Variants in BCAM observed in about 807,000 individuals in gnomAD.
BCAM encodes basal cell adhesion molecule (Lutheran blood group).
BCAM carries 61 observed loss-of-function variants against 72.4 expected under a neutral mutation model. The ratio of observed to expected loss-of-function variants is 0.84; its 90% CI spans 0.69 to 1.04. The LOEUF is 1.04. BCAM is among the 50% of genes least tolerant of loss of function. BCAM has a pLI of 0.00. For synonymous variants in BCAM, 408 were observed against 384.2 expected (o/e 1.06, Z -0.73); for missense variants, 909 against 895.0 (o/e 1.02, Z -0.20).
Position 44,818,392 on chromosome 19 carries a change from AC to A in BCAM, c.1079-128del, listed in dbSNP as rs1405422879. Reference sequence around the variant, plus strand: ...TGGAGATTTCATGGAGATGGGGTAAACCAGGAGGATTACTTGCTGTTCTCTG... The same window carrying A: ...TGGAGATTTCATGGAGATGGGGTAAACAGGAGGATTACTTGCTGTTCTCTG... On this transcript the variant is annotated intron_variant, in intron 8 of 14. Coordinates refer to ENST00000270233, the MANE Select transcript of BCAM (RefSeq NM_005581.5). This position sits in a 1 kb window ranked among gnomAD's most constrained non-coding sequence, Gnocchi z 4.6. 17 of 687,214 alleles carry A rather than the reference AC, an allele frequency of 2.5e-5. No homozygotes were observed. The highest frequency in any genetic ancestry group is 4.0e-5 in the Non-Finnish European group (16 of 398,476). 42.6% of individuals were successfully genotyped at this position (687,214 alleles called of 1,614,324 possible).
Position 44,819,137 on chromosome 19 carries a change from G to A in BCAM, c.1418G>A (p.Cys473Tyr). 1 of 1,614,102 alleles carries A rather than the reference G, an allele frequency of 6.2e-7. No homozygotes were observed. Among genetic ancestry groups the A allele is most frequent in the East Asian group, 2.2e-5 (1 of 44,882 alleles). Reference sequence around the variant, plus strand: ...GAAGGAGACGAAGTCACACTCATCTGCTCTGCCCGCGGCCATCCAGACCCC... The same window carrying A: ...GAAGGAGACGAAGTCACACTCATCTACTCTGCCCGCGGCCATCCAGACCCC... ...WREGDEVTLICSARGHPDPKL... is the reference protein window; with the variant it reads ...WREGDEVTLIYSARGHPDPKL... The change falls in exon 11 of 15, where the codon TGC (cysteine) becomes TAC (tyrosine). Residue 473 changes from cysteine to tyrosine, a missense_variant. Coordinates refer to ENST00000270233, the MANE Select transcript of BCAM (RefSeq NM_005581.5).
intron 11 of BCAM, 56 bp from the exon 12 acceptor site, chr19:44,819,290 G>GCCCTTGACCCCAC: frequency 6.2e-7 from 1 of 1,612,268 alleles, no homozygotes; most frequent in Non-Finnish European, 8.5e-7. Context: ...GTTCACCTCT[G>GCCCTTGACCCCAC]CCCTTGACCC....
At position 44,813,570 on chromosome 19, in the gene BCAM, A is replaced by G; in HGVS notation, c.734A>G (p.Glu245Gly). 1.2e-6 allele frequency: 2 copies of G among 1,612,546 alleles called. No individual in the cohort carries two copies. Among genetic ancestry groups the G allele is most frequent in the Non-Finnish European group, 1.7e-6 (2 of 1,179,872 alleles). ...FHCAAHYSLP[E>G]GRHGRLDSPT... ...TGCGCCGCCCACTACAGCCTGCCCG[A>G]GGGCCGCCACGGCCGCCTGGACAGC... Residue 245 changes from glutamate to glycine, a missense_variant, in exon 6 of 15, where the codon GAG (glutamate) becomes GGG (glycine). Physicochemically the swap from Glu to Gly is moderately conservative, Grantham distance 98. Transcript: ENST00000270233. The surrounding 1 kb of genome is among the most constrained non-coding windows in gnomAD (Gnocchi z 4.2).
chr19:44,811,869 G>A, intron 2 of BCAM: 3 of 491,406 alleles, frequency 6.1e-6, no homozygotes, highest in South Asian at 2.5e-5. Flanking sequence ...AGGCGACAGA[G>A]CAAGACTCTA....
In BCAM at chr19:44,812,914, C is replaced by T. The variant is rs1968444802; in HGVS notation, c.505-336C>T. Reference sequence around the variant, plus strand: ...ACAGTGAGCTAAGATCACACCACTGCACTCCAGCCTGGGCCACAGAGCAAT... The same window carrying T: ...ACAGTGAGCTAAGATCACACCACTGTACTCCAGCCTGGGCCACAGAGCAAT... On this transcript the variant is annotated intron_variant, in intron 4 of 14. Coordinates refer to ENST00000270233, the MANE Select transcript of BCAM (RefSeq NM_005581.5). This position sits in a 1 kb window ranked among gnomAD's most constrained non-coding sequence, Gnocchi z 5.3. 4 of 400,422 alleles carry T rather than the reference C, an allele frequency of 1.0e-5. No homozygotes were observed. Among genetic ancestry groups the T allele is most frequent in the Non-Finnish European group, 1.8e-5 (4 of 224,314 alleles). 24.8% of individuals were successfully genotyped at this position (400,422 alleles called of 1,614,324 possible).
Position 44,814,913 on chromosome 19 carries a change from T to G in BCAM, c.1078+153T>G, listed in dbSNP as rs1326169380. Among the ~76,000 whole-genome samples, 4 of 147,282 alleles carry G rather than the reference T, an allele frequency of 2.7e-5. No homozygotes were observed. The highest frequency in any genetic ancestry group is 6.7e-5 in the Admixed American group (1 of 14,884). ...TCTTGGGGGTTTTTTTGGTTGTTTT[T>G]TTTTTTTTTTTTTTCCCAGAGACAG... On this transcript the variant is annotated intron_variant, in intron 8 of 14. Transcript: ENST00000270233. This position sits in a 1 kb window ranked among gnomAD's most constrained non-coding sequence, Gnocchi z 4.6.
At position 44,814,414 on chromosome 19, in the gene BCAM, T is replaced by C; in HGVS notation, c.921+126T>C. On this transcript the variant is annotated intron_variant, in intron 7 of 14. Coordinates refer to ENST00000270233, the MANE Select transcript of BCAM (RefSeq NM_005581.5). This position sits in a 1 kb window ranked among gnomAD's most constrained non-coding sequence, Gnocchi z 4.6. ...TGGCTTAGGCAGCCACCTGATCTGGTGGCCCACGAACTAAAAGGACCTCTG... is the reference window on the plus strand; with the variant it reads ...TGGCTTAGGCAGCCACCTGATCTGGCGGCCCACGAACTAAAAGGACCTCTG... 2 of 1,450,202 alleles carry C rather than the reference T, an allele frequency of 1.4e-6. No homozygotes were observed. The highest frequency in any genetic ancestry group is 1.8e-6 in the Non-Finnish European group (2 of 1,090,732). 89.8% of individuals were successfully genotyped at this position (1,450,202 alleles called of 1,614,324 possible).
intron 13 of BCAM, chr19:44,820,493 A>G: frequency 8.0e-7 from 1 of 1,255,782 alleles, no homozygotes; most frequent in Non-Finnish European, 1.0e-6. Flanking sequence ...CCCACCTCCA[A>G]CCCCAATAGC....
Position 44,812,443 on chromosome 19 carries a change from G to A in BCAM, c.434-35G>A. The A allele has an allele frequency of 1.2e-6, 2 of 1,614,242 alleles. No individual in the cohort carries two copies. Among genetic ancestry groups the A allele is most frequent in the Non-Finnish European group, 8.5e-7 (1 of 1,180,032 alleles). On this transcript the variant is annotated intron_variant, in intron 3 of 14. Transcript: ENST00000270233. This position sits in a 1 kb window ranked among gnomAD's most constrained non-coding sequence, Gnocchi z 5.3. ...GGGAGGCAGGCAGGGAGGGGCGCAG[G>A]GCAGGGGCTCCTGACGTGAACGTCT...
intron 1 of BCAM, among the ~76,000 whole-genome samples, chr19:44,810,146 G>A (rs1968398039): frequency 6.6e-6 from 1 of 152,124 alleles, no homozygotes; most frequent in Non-Finnish European, 1.5e-5. Flanking sequence ...AGCACTGAGA[G>A]CTGATGCCAG....
In BCAM at chr19:44,811,365, G is replaced by A; in HGVS notation, c.204+19G>A. 3.7e-6 allele frequency: 6 copies of A among 1,612,888 alleles called. No individual in the cohort carries two copies. The highest frequency in any genetic ancestry group is 5.1e-6 in the Non-Finnish European group (6 of 1,179,528). ...GTTCCTTGTGAGTGCTTGGGGCTGGGGGGCCTGGAGTCAGGGCACAGCAGG... is the reference window on the plus strand; with the variant it reads ...GTTCCTTGTGAGTGCTTGGGGCTGGAGGGCCTGGAGTCAGGGCACAGCAGG... On this transcript the variant is annotated intron_variant, in intron 2 of 14. Coordinates refer to ENST00000270233, the MANE Select transcript of BCAM (RefSeq NM_005581.5).
rs745606917 is a variant in BCAM, at chr19:44,820,738, G to A, written c.1797G>A (p.Gly599=). ...GGGAGCCAGGGCTGAGCCACTCGGG[G>A]TCGGAGCAACCAGAGCAGACCGGCC... ...PPGEPGLSHS[G]SEQPEQTGLL... The change falls in exon 14 of 15, where the codon GGG becomes GGA. Residue 599 remains glycine, a synonymous_variant. Transcript: ENST00000270233. 6.9e-7 allele frequency: 1 copy of A among 1,457,424 alleles called. No individual in the cohort carries two copies. Among genetic ancestry groups the A allele is most frequent in the Admixed American group, 2.5e-5 (1 of 39,758 alleles). 90.3% of individuals were successfully genotyped at this position (1,457,424 alleles called of 1,614,324 possible).
chr19:44,813,679 C>T lies in BCAM; in HGVS notation c.784+59C>T, dbSNP rs904770227. The T allele has an allele frequency of 5.1e-6, 8 of 1,562,954 alleles. No individual in the cohort carries two copies. In the Admixed American group the frequency reaches 1.3e-4, roughly 24 times the overall value. On this transcript the variant is annotated intron_variant, in intron 6 of 14. Coordinates refer to ENST00000270233, the MANE Select transcript of BCAM (RefSeq NM_005581.5). The surrounding 1 kb of genome is among the most constrained non-coding windows in gnomAD (Gnocchi z 4.2). ...AGGCTCCACACCTCATGAGGCCTGA[C>T]CCTCCACCCGGGGGCTTCACACTCC... is the stretch of plus-strand genomic sequence containing the variant.
chr19:44,817,537 T>A (rs1471781428), intron 8 of BCAM, among the ~76,000 whole-genome samples: 2 of 150,616 alleles, frequency 1.3e-5, no homozygotes, highest in Non-Finnish European at 3.0e-5. Context: ...CAGTGGGTGG[T>A]TGGTTTTTTT....
chr19:44,818,839 C>G lies in BCAM; in HGVS notation c.1293C>G (p.Val431=). The G allele has an allele frequency of 1.2e-6, 2 of 1,614,134 alleles. No homozygotes were observed. Among genetic ancestry groups the G allele is most frequent in the Non-Finnish European group, 1.7e-6 (2 of 1,180,012 alleles). ...TATGTGAGGCCTCCCTGCCCACAGT[C>G]CCGGTCCTCAGCCGCACCCAGAACT... is the stretch of plus-strand genomic sequence containing the variant. ...TYVCEASLPT[V]PVLSRTQNFT... Residue 431 remains valine (V), a synonymous_variant, in exon 10 of 15, where the codon GTC becomes GTG. Coordinates refer to ENST00000270233, the MANE Select transcript of BCAM (RefSeq NM_005581.5). This position sits in a 1 kb window ranked among gnomAD's most constrained non-coding sequence, Gnocchi z 4.6.
chr19:44,814,165 C>T lies in BCAM; in HGVS notation c.798C>T (p.His266=), dbSNP rs1457623439. Residue 266 remains histidine, a synonymous_variant, in exon 7 of 15, where the codon CAC becomes CAT. Transcript: ENST00000270233. The surrounding 1 kb of genome is among the most constrained non-coding windows in gnomAD (Gnocchi z 4.6). The part of the protein sequence containing the change: ...FHLTLHYPTE[H]VQFWVGSPST... ...CCCTTCCCTTAGATCCCACGGAGCA[C>T]GTGCAGTTCTGGGTGGGCAGCCCGT... The T allele has an allele frequency of 6.9e-6, 11 of 1,585,728 alleles. No individual in the cohort carries two copies. Among genetic ancestry groups the T allele is most frequent in the East Asian group, 2.3e-5 (1 of 44,204 alleles).
chr19:44,820,115 C>T, intron 13 of BCAM: 1 of 1,075,986 alleles, frequency 9.3e-7, no homozygotes, highest in African/African-American at 1.7e-5. Flanking sequence ...TCCATAACCC[C>T]CTTCAAACCA....
chr19:44,820,003 T>G, intron 13 of BCAM: 1 of 1,275,586 alleles, frequency 7.8e-7, no homozygotes, highest in Non-Finnish European at 9.8e-7. Context: ...CTCAACACCA[T>G]CCCCTTCCCT....
rs1183972440 is a variant in BCAM, at chr19:44,809,118, C to G, written c.-7C>G. The G allele has an allele frequency of 2.8e-6, 4 of 1,439,048 alleles. No homozygotes were observed. Among genetic ancestry groups the G allele is most frequent in the South Asian group, 1.4e-5 (1 of 73,676 alleles). The allele number at this position is 1,439,048 out of a possible 1,614,324, so 89.1% of individuals were successfully genotyped here. ...GCCCGGGCTCAGTCTCCGCCGCCGC[C>G]GTGAACATGGAGCCCCCGGACGCAC... On this transcript the variant is annotated 5_prime_UTR_variant, in exon 1 of 15. Coordinates refer to ENST00000270233, the MANE Select transcript of BCAM (RefSeq NM_005581.5).
Sources: gnomAD v4.1 joint callset for allele counts (sites outside exome capture counted in the v4.1 genomes callset) on GRCh38, gnomAD v4.1.1 for gene constraint, Gnocchi (gnomAD v3.1) non-coding constraint, MANE v1.5 for transcripts, NCBI Gene and HGNC (gene_info 2026-07-23, HGNC 2026-07-21) for gene names.